Variants in SLC9A9 observed in about 807,000 individuals in gnomAD.
The protein encoded by SLC9A9 is sodium/hydrogen exchanger 9.
SLC9A9 carries 62 observed loss-of-function variants against 77.8 expected under a neutral mutation model. The ratio of observed to expected loss-of-function variants is 0.80; its 90% CI spans 0.65 to 0.98. The LOEUF is 0.98. SLC9A9 is among the 50% of genes least tolerant of loss of function. SLC9A9 has a pLI of 0.00. For missense variants in SLC9A9, 775 were observed against 774.9 expected (o/e 1.00, Z 0.00); for synonymous variants, 320 against 283.5 (o/e 1.13, Z -1.29).
intron 9 of SLC9A9, among the ~76,000 whole-genome samples, chr3:143,540,189 T>C (rs1417592864): frequency 6.6e-6 from 1 of 151,832 alleles, no homozygotes; most frequent in Non-Finnish European, 1.5e-5. Flanking sequence ...CCTTTTATGA[T>C]GGTGATAAAG....
intron 12 of SLC9A9, among the ~76,000 whole-genome samples, chr3:143,393,024 T>C (rs2033609715): frequency 1.3e-5 from 2 of 152,252 alleles, no homozygotes; most frequent in South Asian, 4.1e-4. Flanking sequence ...CTGTCAATAT[T>C]AGACAGATAA....
At chr3:143,647,162 C>T (rs1457470530) in intron 6 of SLC9A9, among the ~76,000 whole-genome samples, 1 of 152,158 alleles carries the variant, frequency 6.6e-6, no homozygotes, top group East Asian at 1.9e-4. Flanking sequence ...GAGGTAAGTG[C>T]TATTACTGTC....
chr3:143,266,786 C>T lies in SLC9A9; in HGVS notation c.1854G>A (p.Lys618=). The change falls in exon 16 of 16, where the codon AAG becomes AAA. Residue 618 remains lysine (K), a synonymous_variant. Coordinates refer to ENST00000316549, the MANE Select transcript of SLC9A9 (RefSeq NM_173653.4). ...CGAGGTCTCCCTCATAAATGTTTTC[C>T]TTGCCTGGCGTCTGGGGTGAAGCTT... ...DQKASPQTPG[K]ENIYEGDLGL... is the part of the protein sequence containing the mutation. 1.9e-6 allele frequency: 3 copies of T among 1,614,174 alleles called. No homozygotes were observed. Among genetic ancestry groups the T allele is most frequent in the Non-Finnish European group, 1.7e-6 (2 of 1,180,012 alleles).
At chr3:143,388,477 A>G (rs1258048126) in intron 12 of SLC9A9, among the ~76,000 whole-genome samples, 2 of 152,208 alleles carry the variant, frequency 1.3e-5, no homozygotes, top group African/African-American at 4.8e-5. Context: ...TAACCTTTGC[A>G]AATCTCAGTT....
At chr3:143,410,371 T>C (rs2034069614) in intron 12 of SLC9A9, among the ~76,000 whole-genome samples, 1 of 152,228 alleles carries the variant, frequency 6.6e-6, no homozygotes, top group Non-Finnish European at 1.5e-5. Context: ...ACTCCCTGTA[T>C]TCAAAATTCA....
chr3:143,353,364 G>A (rs72992119), intron 14 of SLC9A9, among the ~76,000 whole-genome samples: 3,394 of 152,286 alleles, frequency 0.022, 147 homozygotes, highest in African/African-American at 0.077. Flanking sequence ...TAGGTAATGC[G>A]AGTTCTGCCC....
intron 14 of SLC9A9, among the ~76,000 whole-genome samples, chr3:143,317,397 G>A (rs1356362780): frequency 6.6e-6 from 1 of 152,140 alleles, no homozygotes; most frequent in Admixed American, 6.5e-5. Flanking sequence ...CTGCCTCATT[G>A]CCCCTCACTT....
chr3:143,517,497 G>T, intron 9 of SLC9A9: 2 of 1,597,612 alleles, frequency 1.3e-6, no homozygotes, highest in Admixed American at 1.7e-5. Context: ...TTGATCTCTC[G>T]CTCTTCACGT....
intron 12 of SLC9A9, among the ~76,000 whole-genome samples, chr3:143,390,627 G>A (rs535131776): frequency 9.4e-4 from 143 of 152,312 alleles, no homozygotes; most frequent in Admixed American, 2.2e-3. Flanking sequence ...GCAGCACACC[G>A]AGTGTGAGCC....
intron 5 of SLC9A9, among the ~76,000 whole-genome samples, chr3:143,690,891 A>G (rs556687277): frequency 1.3e-5 from 2 of 152,178 alleles, no homozygotes; most frequent in Non-Finnish European, 2.9e-5. Context: ...CAGCTAATAA[A>G]TGCAAAAGGT....
intron 12 of SLC9A9, among the ~76,000 whole-genome samples, chr3:143,459,558 A>AG (rs1274974591): frequency 3.9e-5 from 6 of 151,984 alleles, no homozygotes; most frequent in Non-Finnish European, 1.5e-5. Context: ...CCAGTTGGGG[A>AG]GCTGGGTAAT....
chr3:143,541,293 G>C (rs1029046517), intron 9 of SLC9A9, among the ~76,000 whole-genome samples: 1 of 152,126 alleles, frequency 6.6e-6, no homozygotes, highest in African/African-American at 2.4e-5. Context: ...CAAGCAGCCC[G>C]ATGGAGGACA....
intron 1 of SLC9A9, among the ~76,000 whole-genome samples, chr3:143,835,086 T>C (rs2009535538): frequency 6.6e-6 from 1 of 152,160 alleles, no homozygotes; most frequent in African/African-American, 2.4e-5. Context: ...TTTCCTAGAA[T>C]TGCACCACAG....
intron 4 of SLC9A9, among the ~76,000 whole-genome samples, chr3:143,781,450 T>C (rs534715380): frequency 6.6e-6 from 1 of 152,272 alleles, no homozygotes; most frequent in South Asian, 2.1e-4. Context: ...ATACAGGCAA[T>C]TGTTATTATT....
chr3:143,748,738 C>T (rs1036910092), intron 4 of SLC9A9, among the ~76,000 whole-genome samples: 14 of 148,448 alleles, frequency 9.4e-5, no homozygotes, highest in African/African-American at 3.3e-4. Context: ...GCTCTGTCGC[C>T]CAGGCCGGAC....
intron 12 of SLC9A9, among the ~76,000 whole-genome samples, chr3:143,386,282 G>A (rs1321757339): frequency 6.6e-6 from 1 of 152,176 alleles, no homozygotes; most frequent in East Asian, 1.9e-4. Flanking sequence ...TTATACCCAG[G>A]CATGCAGGGC....
chr3:143,507,712 G>T lies in SLC9A9; in HGVS notation c.1090-12264C>A, dbSNP rs368526584. Among the ~76,000 whole-genome samples the T allele has an allele frequency of 7.9e-5, 12 of 152,276 alleles. No individual in the cohort carries two copies. In the East Asian group the frequency reaches 2.1e-3, roughly 27 times the overall value. ...GGGAGTATGAAGAATACATGTCTTA[G>T]TTCTGGCTTCTATAATAAATACACC... On this transcript the variant is annotated intron_variant, in intron 9 of 15. Coordinates refer to ENST00000316549, the MANE Select transcript of SLC9A9 (RefSeq NM_173653.4).
chr3:143,518,251 G>T, intron 9 of SLC9A9: 1 of 1,566,186 alleles, frequency 6.4e-7, no homozygotes, highest in Non-Finnish European at 8.7e-7. Context: ...GGTGGGCGAA[G>T]CTCAGGGGCT....
chr3:143,794,984 C>T lies in SLC9A9; in HGVS notation c.533+17G>A, dbSNP rs769303428. ...ACCCCACAGCCACCTGCAACTTGAG[C>T]TCCGAATGTCACTTACCCTATGACG... On this transcript the variant is annotated intron_variant, in intron 4 of 15. Coordinates refer to ENST00000316549, the MANE Select transcript of SLC9A9 (RefSeq NM_173653.4). The T allele has an allele frequency of 2.5e-6, 4 of 1,612,026 alleles. No individual in the cohort carries two copies. Among genetic ancestry groups the T allele is most frequent in the African/African-American group, 1.3e-5 (1 of 74,838 alleles).
Sources: gnomAD v4.1 joint callset for allele counts (sites outside exome capture counted in the v4.1 genomes callset) on GRCh38, gnomAD v4.1.1 for gene constraint, MANE v1.5 for transcripts, NCBI Gene and HGNC (gene_info 2026-07-23, HGNC 2026-07-21) for gene names.